The following CTNNA2 variants were observed in gnomAD, a reference collection of about 807,000 sequenced individuals.
CTNNA2 encodes catenin alpha 2.
CTNNA2 carries 42 observed loss-of-function variants against 101.0 expected under a neutral mutation model. That is an observed-to-expected ratio of 0.42 (90% CI 0.32 to 0.54). The LOEUF is 0.54. CTNNA2 is among the 20% of genes least tolerant of loss of function. The pLI is 0.14. For synonymous variants in CTNNA2, 450 were observed against 456.4 expected, an observed-to-expected ratio of 0.99 and a Z score of 0.18; for missense variants, 871 against 1,223.1, an observed-to-expected ratio of 0.71 and a Z score of 4.29.
At chr2:79,897,838 C>T (rs1338900330) in intron 6 of CTNNA2, among the ~76,000 whole-genome samples, 1 of 152,144 alleles carries the variant, frequency 6.6e-6, no homozygotes, top group African/African-American at 2.4e-5. Flanking sequence ...TTCTCTGCTC[C>T]CAAGATGGTG....
At chr2:80,328,703 T>C (rs1195678314) in intron 7 of CTNNA2, among the ~76,000 whole-genome samples, 1 of 152,228 alleles carries the variant, frequency 6.6e-6, no homozygotes, top group East Asian at 1.9e-4. Context: ...ATGTTGTGTA[T>C]GTTTGATGAC....
intron 2 of CTNNA2, among the ~76,000 whole-genome samples, chr2:79,713,656 C>G (rs1302296527): frequency 6.6e-6 from 1 of 152,058 alleles, no homozygotes; most frequent in African/African-American, 2.4e-5. Flanking sequence ...CTTGATAGGA[C>G]ACTGCACTTG....
intron 7 of CTNNA2, among the ~76,000 whole-genome samples, chr2:80,088,523 A>G (rs764239942): frequency 1.3e-5 from 2 of 152,092 alleles, no homozygotes; most frequent in Non-Finnish European, 2.9e-5. Context: ...TATTTATTCA[A>G]CAAGTCTATA....
chr2:79,982,245 TGTATATGTACAC>T (rs1691366591), intron 7 of CTNNA2, among the ~76,000 whole-genome samples: 1 of 88,286 alleles, frequency 1.1e-5, no homozygotes, highest in Non-Finnish European at 2.2e-5. Flanking sequence ...TATATATGTA[TGTATATGTACAC>T]ACACACATAA....
intron 2 of CTNNA2, among the ~76,000 whole-genome samples, chr2:79,294,240 AGG>A (rs1558610719): frequency 1.0e-3 from 135 of 132,822 alleles, no homozygotes; most frequent in Admixed American, 1.7e-3. Flanking sequence ...GAAGAAGAAG[AGG>A]AGGAGGAGGA....
chr2:80,647,893 A>G lies in CTNNA2; in HGVS notation c.*21A>G, dbSNP rs1161935363. 5.2e-6 allele frequency: 8 copies of G among 1,538,638 alleles called. No individual in the cohort carries two copies. The highest frequency in any genetic ancestry group is 1.4e-5 in the African/African-American group (1 of 71,706). Reference sequence around the variant, plus strand: ...TCTAGGACGATAGGTTTTAACAAGAAAGCTTTTTCTTTCTTTTCTTTCTTT... The same window carrying G: ...TCTAGGACGATAGGTTTTAACAAGAGAGCTTTTTCTTTCTTTTCTTTCTTT... On this transcript the variant is annotated 3_prime_UTR_variant, in exon 19 of 19. Transcript: ENST00000402739.
chr2:80,190,650 G>A (rs1706438037), intron 7 of CTNNA2, among the ~76,000 whole-genome samples: 2 of 152,140 alleles, frequency 1.3e-5, no homozygotes, highest in East Asian at 1.9e-4. Context: ...ATTGCTATCA[G>A]GTGCATTTAC....
chr2:80,570,734 A>T (rs892502640), intron 12 of CTNNA2, among the ~76,000 whole-genome samples: 39 of 152,102 alleles, frequency 2.6e-4, no homozygotes, highest in African/African-American at 8.9e-4. Flanking sequence ...TGAAAGGTCG[A>T]TGGTAGTTCT....
At chr2:79,976,642 C>T (rs1410237632) in intron 7 of CTNNA2, among the ~76,000 whole-genome samples, 1 of 152,156 alleles carries the variant, frequency 6.6e-6, no homozygotes, top group African/African-American at 2.4e-5. Flanking sequence ...TACATTTTAA[C>T]CTCACAGTGA....
chr2:80,405,548 T>C (rs77124539), intron 8 of CTNNA2, among the ~76,000 whole-genome samples: 2,764 of 152,298 alleles, frequency 0.018, 85 homozygotes, highest in African/African-American at 0.062. Flanking sequence ...ATAATCACCA[T>C]TTCTTTCTTC....
intron 15 of CTNNA2, 135 bp downstream of exon 15, chr2:80,589,620 A>G (rs1696261079): frequency 2.6e-6 from 2 of 761,294 alleles, no homozygotes; most frequent in East Asian, 2.8e-5. Flanking sequence ...ATTTACATGT[A>G]TAAGTCAAAA....
intron 16 of CTNNA2, chr2:80,605,322 G>A (rs934261355): frequency 1.2e-4 from 18 of 151,930 alleles, no homozygotes; most frequent in African/African-American, 4.3e-4. Context: ...AAGCAATAGT[G>A]ATTTACAGTT....
rs573682937 is a variant in CTNNA2 at position 79,715,678 on chromosome 2, A to G, written c.103-28709A>G. Among the ~76,000 whole-genome samples, 6 of 152,312 alleles carry G rather than the reference A, an allele frequency of 3.9e-5. No individual in the cohort carries two copies. The South Asian group carries it at 1.2e-3, about 32-fold the overall frequency. The stretch of plus-strand genomic sequence containing the variant: ...TGAGAAAGGCTTAGGAATTAAATTC[A>G]TCAATTAGAGGAAATGCTTGGAGGG... On this transcript the variant is annotated intron_variant, in intron 2 of 18. Transcript: ENST00000402739.
At chr2:79,202,325 T>A (rs1249315202) in intron 2 of CTNNA2, among the ~76,000 whole-genome samples, 1 of 130,548 alleles carries the variant, frequency 7.7e-6, no homozygotes, top group African/African-American at 2.9e-5. Context: ...TTCCACACAC[T>A]TGTTTTTTTA....
intron 3 of CTNNA2, among the ~76,000 whole-genome samples, chr2:79,845,845 T>C (rs1680191798): frequency 6.6e-6 from 1 of 152,240 alleles, no homozygotes; most frequent in Admixed American, 6.5e-5. Context: ...TACACTGATA[T>C]TCATTTAAAT....
intron 1 of CTNNA2, among the ~76,000 whole-genome samples, chr2:79,532,815 A>ATCT (rs35898757): frequency 0.7 from 106,368 of 151,466 alleles, 37,396 homozygotes; most frequent in Non-Finnish European, 0.72. Flanking sequence ...TGAAGTTCTA[A>ATCT]TCTTGCTGAA....
In CTNNA2 at chr2:80,331,724, G is replaced by A. The variant is rs1671350322; in HGVS notation, c.1057-61487G>A. Among the ~76,000 whole-genome samples, 3 of 152,166 alleles carry A rather than the reference G, an allele frequency of 2.0e-5. No homozygotes were observed. In the South Asian group the frequency reaches 6.2e-4, roughly 32 times the overall value. ...AAGGGCAGGGTGATCTCCACCCGAT[G>A]ACAGATAAAAGATGGATTGGCTTGA... On this transcript the variant is annotated intron_variant, in intron 7 of 18. Transcript: ENST00000402739.
intron 7 of CTNNA2, among the ~76,000 whole-genome samples, chr2:80,089,417 C>T (rs1699642594): frequency 6.6e-6 from 1 of 151,902 alleles, no homozygotes; most frequent in South Asian, 2.1e-4. Flanking sequence ...CTTTAGTGCC[C>T]TCCCCTTACA....
chr2:80,497,454 A>C (rs1402411517), intron 9 of CTNNA2, among the ~76,000 whole-genome samples: 2 of 152,196 alleles, frequency 1.3e-5, no homozygotes, highest in African/African-American at 2.4e-5. Context: ...CCTACACTAA[A>C]CACTAAACTC....
Sources: gnomAD v4.1 joint callset for allele counts (sites outside exome capture counted in the v4.1 genomes callset) on GRCh38, gnomAD v4.1.1 for gene constraint, MANE v1.5 for transcripts, NCBI Gene and HGNC (gene_info 2026-07-23, HGNC 2026-07-21) for gene names.